The following OSBPL10 variants were observed in gnomAD, a reference collection of about 807,000 sequenced individuals.
OSBPL10 encodes oxysterol-binding protein-related protein 10.
In OSBPL10, 49 loss-of-function variants were observed where a neutral mutation model predicts 81.7. The observed-to-expected ratio is 0.60, with a 90% CI of 0.48 to 0.76. OSBPL10 has a LOEUF of 0.76. Among genes scored for constraint, OSBPL10 ranks in the 30% least tolerant of loss-of-function variants. OSBPL10 has a pLI of 0.00. For missense variants in OSBPL10, 923 were observed against 987.8 expected (o/e 0.93, Z 0.88); for synonymous variants, 419 against 383.6 (o/e 1.09, Z -1.08).
upstream of OSBPL10, among the ~76,000 whole-genome samples, chr3:31,984,594 T>C (rs1207108223): frequency 6.6e-6 from 1 of 152,178 alleles, no homozygotes; most frequent in Admixed American, 6.5e-5. Flanking sequence ...AGTGGTGTTA[T>C]CTATAGGAGT....
At chr3:31,984,609 G>A (rs1044660348), upstream of OSBPL10, among the ~76,000 whole-genome samples, 2 of 152,098 alleles carry the variant, frequency 1.3e-5, no homozygotes, top group Admixed American at 1.3e-4. Context: ...AGGAGTGATG[G>A]GGAGGTTAGA....
At chr3:31,930,733 G>A (rs1575041663) in intron 1 of OSBPL10, among the ~76,000 whole-genome samples, 2 of 152,198 alleles carry the variant, frequency 1.3e-5, no homozygotes, top group South Asian at 2.1e-4. Context: ...AAAGATAGTA[G>A]GCTGGGTGCG....
At chr3:31,745,258 T>C (rs543863042) in intron 5 of OSBPL10, among the ~76,000 whole-genome samples, 2 of 152,354 alleles carry the variant, frequency 1.3e-5, no homozygotes, top group South Asian at 4.1e-4. Flanking sequence ...TTTCGATCAC[T>C]GTGCTGTCTT....
At chr3:32,051,848 A>G (rs1161539173) in intron 1 of OSBPL10, among the ~76,000 whole-genome samples, 1 of 152,240 alleles carries the variant, frequency 6.6e-6, no homozygotes, top group Non-Finnish European at 1.5e-5. Flanking sequence ...AACTGGCTTA[A>G]AAATAATAAG....
rs1040478826 is a variant in OSBPL10 at position 31,981,258 on chromosome 3, C to G, written c.-79G>C. The G allele has an allele frequency of 7.6e-6, 10 of 1,310,642 alleles. No individual in the cohort carries two copies. The African/African-American group carries it at 1.4e-4, about 18-fold the overall frequency. 81.2% of individuals were successfully genotyped at this position (1,310,642 alleles called of 1,614,324 possible). On this transcript the variant is annotated 5_prime_UTR_variant, in exon 1 of 12. Coordinates refer to ENST00000396556, the MANE Select transcript of OSBPL10 (RefSeq NM_017784.5). This position sits in a 1 kb window ranked among gnomAD's most constrained non-coding sequence, Gnocchi z 4.5. ...GCGGCTGCTGCTGCTGCTACAGCTC[C>G]GGACGCCCGGGCCGCGCGTGCCTGC...
chr3:31,885,095 G>C (rs1695696233), intron 1 of OSBPL10, among the ~76,000 whole-genome samples: 2 of 152,258 alleles, frequency 1.3e-5, no homozygotes, highest in African/African-American at 4.8e-5. Context: ...CTGAGGACAA[G>C]CCATTGCCTA....
chr3:31,719,076 T>C (rs1487279943), intron 6 of OSBPL10, among the ~76,000 whole-genome samples: 1 of 152,234 alleles, frequency 6.6e-6, no homozygotes, highest in African/African-American at 2.4e-5. Flanking sequence ...AGCCCACATG[T>C]AGAATCACCT....
chr3:31,745,410 CAT>C (rs1335791890), intron 5 of OSBPL10, among the ~76,000 whole-genome samples: 2 of 152,168 alleles, frequency 1.3e-5, no homozygotes, highest in Admixed American at 6.5e-5. Flanking sequence ...AACATCATAA[CAT>C]GTTACTGTTT....
chr3:31,673,636 C>T (rs1251062762), intron 8 of OSBPL10, among the ~76,000 whole-genome samples: 1 of 152,214 alleles, frequency 6.6e-6, no homozygotes, highest in Non-Finnish European at 1.5e-5. Flanking sequence ...TAATGGGCTA[C>T]AGATAGCCCC....
At position 31,726,310 on chromosome 3, in the gene OSBPL10, A is replaced by AT. The variant is rs11338208; in HGVS notation, c.1095+6946dup. ...TTCCCAAACAAAAAGTGTCTTTTTA[A>AT]TTTTTTTTTTTTATTTTATTTTGTG... On this transcript the variant is annotated intron_variant, in intron 6 of 11. Transcript: ENST00000396556. Among the ~76,000 whole-genome samples, 114 of 148,206 alleles carry AT rather than the reference A, an allele frequency of 7.7e-4. 1 individual carries two copies. The highest frequency in any genetic ancestry group is 7.0e-3 in the Middle Eastern group (2 of 284).
intron 4 of OSBPL10, among the ~76,000 whole-genome samples, chr3:31,765,024 T>C (rs75267407): frequency 0.015 from 2,335 of 151,238 alleles, 27 homozygotes; most frequent in Middle Eastern, 0.024. Flanking sequence ...ACTTTTTTTC[T>C]TTTTTTTTCT....
intron 7 of OSBPL10, among the ~76,000 whole-genome samples, chr3:31,686,205 AT>A (rs1700789344): frequency 6.6e-6 from 1 of 151,318 alleles, no homozygotes; most frequent in Non-Finnish European, 1.5e-5. Context: ...AGCCTGCAGA[AT>A]TGTGAGCTAA....
chr3:31,966,561 G>T (rs941994123), intron 1 of OSBPL10, among the ~76,000 whole-genome samples: 2 of 151,638 alleles, frequency 1.3e-5, no homozygotes, highest in Admixed American at 6.6e-5. Flanking sequence ...AAAACAAAAA[G>T]AAACACGAAC....
intron 8 of OSBPL10, among the ~76,000 whole-genome samples, chr3:31,677,068 C>G (rs73826849): frequency 0.012 from 1,843 of 152,262 alleles, 43 homozygotes; most frequent in African/African-American, 0.042. Flanking sequence ...GTTCACAATT[C>G]CAAGTGGACC....
chr3:31,889,326 G>A (rs9849110), intron 1 of OSBPL10, among the ~76,000 whole-genome samples: 109,581 of 152,072 alleles, frequency 0.72, 40,160 homozygotes, highest in East Asian at 0.87. Flanking sequence ...GGAAATCAGT[G>A]TATTGAAGAG....
chr3:32,034,210 TTA>T (rs1699498879), intron 2 of OSBPL10, among the ~76,000 whole-genome samples: 3 of 151,882 alleles, frequency 2.0e-5, no homozygotes, highest in African/African-American at 7.3e-5. Flanking sequence ...ATTACGGGGA[TTA>T]CAATTAGAGG....
At chr3:31,733,779 C>T (rs146747912) in intron 5 of OSBPL10, among the ~76,000 whole-genome samples, 325 of 145,436 alleles carry the variant, frequency 2.2e-3, no homozygotes, top group African/African-American at 7.6e-3. Context: ...TTTGGGAGGC[C>T]GAGGCGGGTA....
intron 1 of OSBPL10, among the ~76,000 whole-genome samples, chr3:31,951,400 A>G (rs1406035430): frequency 2.6e-5 from 4 of 152,132 alleles, no homozygotes; most frequent in African/African-American, 9.7e-5. Context: ...AAAATACTTT[A>G]TATTATACAA....
At chr3:31,751,359 T>C (rs185353732) in intron 4 of OSBPL10, among the ~76,000 whole-genome samples, 27 of 148,660 alleles carry the variant, frequency 1.8e-4, no homozygotes, top group East Asian at 1.8e-3. Context: ...AATAAATAAA[T>C]AAACAAACAA....
Sources: gnomAD v4.1 joint callset for allele counts (sites outside exome capture counted in the v4.1 genomes callset) on GRCh38, gnomAD v4.1.1 for gene constraint, Gnocchi (gnomAD v3.1) non-coding constraint, MANE v1.5 for transcripts, NCBI Gene and HGNC (gene_info 2026-07-23, HGNC 2026-07-21) for gene names.